DUSP16: variants seen among roughly 807,000 people sequenced by gnomAD.
DUSP16 encodes the protein dual specificity phosphatase 16.
DUSP16 carries 21 observed loss-of-function variants against 58.3 expected under a neutral mutation model. The observed-to-expected ratio is 0.36, with a 90% CI of 0.26 to 0.52. The LOEUF is 0.52. DUSP16 is among the 20% of genes least tolerant of loss of function. The pLI is 0.94. For synonymous variants in DUSP16, 320 were observed against 323.8 expected (o/e 0.99, Z 0.12); for missense variants, 726 against 819.0 (o/e 0.89, Z 1.39).
chr12:12,527,946 ACTAC>A (rs1944328678), intron 1 of DUSP16, among the ~76,000 whole-genome samples: 1 of 152,186 alleles, frequency 6.6e-6, no homozygotes, highest in South Asian at 2.1e-4. Context: ...GCCTTCAAAG[ACTAC>A]CTATAATGCC....
At chr12:12,531,512 T>G (rs1405009186) in intron 1 of DUSP16, among the ~76,000 whole-genome samples, 1 of 152,134 alleles carries the variant, frequency 6.6e-6, no homozygotes, top group Non-Finnish European at 1.5e-5. Context: ...TAAGAGAATC[T>G]TAGTTTTACA....
At chr12:12,540,836 T>C (rs1944541821) in intron 1 of DUSP16, among the ~76,000 whole-genome samples, 1 of 152,114 alleles carries the variant, frequency 6.6e-6, no homozygotes, top group African/African-American at 2.4e-5. Flanking sequence ...TGGAGGCAAC[T>C]TCCTGTCAGC....
At position 12,476,871 on chromosome 12, in the gene DUSP16, T is replaced by G. The variant is rs760900919; in HGVS notation, c.1960A>C (p.Ser654Arg). ...ATGATTTCCATGCTGCCCGAAAAGC[T>G]AGACTGACTGCCCACTTTCCCCAGC... ...EELGKVGSQS[S>R]FSGSMEIIEV... is the part of the protein sequence containing the mutation. Residue 654 changes from serine (S) to arginine (R), a missense_variant, in exon 7 of 7, where the codon AGC becomes CGC. Physicochemically the swap from Ser to Arg is moderately radical, Grantham distance 110. Coordinates refer to ENST00000298573, the MANE Select transcript of DUSP16 (RefSeq NM_030640.3). 6.2e-7 allele frequency: 1 copy of G among 1,612,112 alleles called. No individual in the cohort carries two copies. The highest frequency in any genetic ancestry group is 1.1e-5 in the South Asian group (1 of 91,052).
At chr12:12,553,761 C>A (rs1944768509) in intron 1 of DUSP16, among the ~76,000 whole-genome samples, 1 of 152,150 alleles carries the variant, frequency 6.6e-6, no homozygotes, top group Non-Finnish European at 1.5e-5. Context: ...CCAGGCTGGT[C>A]TACTCCTGAC....
chr12:12,529,181 AG>A (rs1190089297), intron 1 of DUSP16, among the ~76,000 whole-genome samples: 1 of 152,148 alleles, frequency 6.6e-6, no homozygotes, highest in African/African-American at 2.4e-5. Context: ...CTATGATCTC[AG>A]TTTACTGCAA....
chr12:12,540,411 T>A (rs1276311799), intron 1 of DUSP16, among the ~76,000 whole-genome samples: 2 of 152,190 alleles, frequency 1.3e-5, no homozygotes, highest in East Asian at 1.9e-4. Flanking sequence ...CATATTAACA[T>A]CCAATACAAG....
intron 3 of DUSP16, among the ~76,000 whole-genome samples, chr12:12,510,141 A>G (rs891184805): frequency 1.6e-4 from 24 of 152,002 alleles, no homozygotes; most frequent in African/African-American, 4.6e-4. Context: ...ATATATCTCC[A>G]TGGCTCAGGG....
chr12:12,488,399 CCT>C (rs1491146526), intron 4 of DUSP16, among the ~76,000 whole-genome samples: 2 of 152,290 alleles, frequency 1.3e-5, no homozygotes, highest in African/African-American at 4.8e-5. Flanking sequence ...TCTCATCTCC[CCT>C]GTTATGTAAT....
chr12:12,555,470 A>G (rs1301174586), intron 1 of DUSP16, among the ~76,000 whole-genome samples: 1 of 152,240 alleles, frequency 6.6e-6, no homozygotes, highest in Non-Finnish European at 1.5e-5. Context: ...TAAACTGTGT[A>G]TTTAAAAACT....
chr12:12,521,144 C>T lies in DUSP16; in HGVS notation c.-46G>A, dbSNP rs758095674. 5.0e-6 allele frequency: 8 copies of T among 1,591,454 alleles called. No individual in the cohort carries two copies. Among genetic ancestry groups the T allele is most frequent in the South Asian group, 3.4e-5 (3 of 88,482 alleles). ...TCCCACCTCCTTCTTTAATTTGCCA[C>T]GATGATGTAATGGTGGTGTGCTCAA... On this transcript the variant is annotated 5_prime_UTR_variant, in exon 2 of 7. The change creates a new upstream start codon in the 5' untranslated region. Coordinates refer to ENST00000298573, the MANE Select transcript of DUSP16 (RefSeq NM_030640.3).
At chr12:12,552,440 T>C (rs1047031572) in intron 1 of DUSP16, among the ~76,000 whole-genome samples, 2 of 151,740 alleles carry the variant, frequency 1.3e-5, no homozygotes, top group Non-Finnish European at 2.9e-5. Context: ...AGCGAGACTA[T>C]CTCAAAAAAA....
chr12:12,508,842 C>A (rs892190417), intron 3 of DUSP16, among the ~76,000 whole-genome samples: 4 of 152,160 alleles, frequency 2.6e-5, no homozygotes, highest in Non-Finnish European at 4.4e-5. Context: ...ACATACACAA[C>A]AAATGAATGA....
chr12:12,473,681 CTTT>C lies in DUSP16; in HGVS notation c.*3149_*3151del, dbSNP rs1376020216. 6.6e-6 allele frequency among the ~76,000 whole-genome samples: 1 copy of C among 152,142 alleles called. No individual in the cohort carries two copies. The highest frequency in any genetic ancestry group is 1.5e-5 in the Non-Finnish European group (1 of 68,026). On this transcript the variant is annotated 3_prime_UTR_variant, in exon 7 of 7. Transcript: ENST00000298573. Reference sequence around the variant, plus strand: ...AATATTCCATCTGTTTGCACTGAAGCTTTATTCCTTCAATGCCTAATTTTTATG... The same window carrying C: ...AATATTCCATCTGTTTGCACTGAAGCATTCCTTCAATGCCTAATTTTTATG...
chr12:12,514,797 T>G (rs894394339), intron 3 of DUSP16, among the ~76,000 whole-genome samples: 1 of 152,060 alleles, frequency 6.6e-6, no homozygotes, highest in Non-Finnish European at 1.5e-5. Context: ...GCTGGGACTA[T>G]AGGTATGATA....
chr12:12,530,839 T>C (rs1944372426), intron 1 of DUSP16, among the ~76,000 whole-genome samples: 1 of 152,128 alleles, frequency 6.6e-6, no homozygotes, highest in African/African-American at 2.4e-5. Flanking sequence ...AAGATATATG[T>C]GTGAAAAAAG....
chr12:12,543,691 T>C (rs888735939), intron 1 of DUSP16, among the ~76,000 whole-genome samples: 5 of 152,066 alleles, frequency 3.3e-5, no homozygotes, highest in African/African-American at 7.2e-5. Context: ...AAGATGTCTA[T>C]CTGATATAGA....
At chr12:12,509,328 C>A (rs1006215816) in intron 3 of DUSP16, among the ~76,000 whole-genome samples, 1 of 152,004 alleles carries the variant, frequency 6.6e-6, no homozygotes, top group Non-Finnish European at 1.5e-5. Flanking sequence ...CAGGCAAGCA[C>A]AAGTTACACC....
chr12:12,501,325 A>G (rs1943906682), intron 3 of DUSP16, among the ~76,000 whole-genome samples: 2 of 152,222 alleles, frequency 1.3e-5, no homozygotes, highest in South Asian at 4.1e-4. Flanking sequence ...AAGTGCTGAC[A>G]GACTAATTGC....
intron 1 of DUSP16, among the ~76,000 whole-genome samples, chr12:12,528,466 G>C (rs1307939031): frequency 6.6e-6 from 1 of 152,170 alleles, no homozygotes; most frequent in African/African-American, 2.4e-5. Flanking sequence ...AGTAAAGGTA[G>C]GCTGGAGGCA....
Sources: allele counts gnomAD v4.1 joint callset (sites outside exome capture counted in the v4.1 genomes callset), GRCh38; gene constraint gnomAD v4.1.1; transcripts MANE v1.5; gene names NCBI Gene and HGNC (gene_info 2026-07-23, HGNC 2026-07-21).